The following PRKG1 variants were observed in gnomAD, a reference collection of about 807,000 sequenced individuals.
The protein encoded by PRKG1 is protein kinase cGMP-dependent 1, also known as cGMP-dependent protein kinase 1.
PRKG1 carries 35 observed loss-of-function variants against 88.1 expected under a neutral mutation model. The ratio of observed to expected loss-of-function variants is 0.40; its 90% confidence interval spans 0.30 to 0.53. The LOEUF is 0.53. Among genes scored for constraint, PRKG1 ranks in the 20% least tolerant of loss-of-function variants. PRKG1 has a pLI of 0.59. For synonymous variants in PRKG1, 303 were observed against 292.5 expected, an observed-to-expected ratio of 1.04 and a Z score of -0.37; for missense variants, 540 against 839.8, an observed-to-expected ratio of 0.64 and a Z score of 4.41.
intron 1 of PRKG1, among the ~76,000 whole-genome samples, chr10:51,047,534 G>A (rs1285986361): frequency 6.7e-6 from 1 of 149,300 alleles, no homozygotes; most frequent in Non-Finnish European, 1.5e-5. Context: ...GATTTATTGT[G>A]TATGTTTTTG....
intron 5 of PRKG1, among the ~76,000 whole-genome samples, chr10:52,022,073 G>A (rs1258871529): frequency 6.6e-6 from 1 of 152,152 alleles, no homozygotes; most frequent in Non-Finnish European, 1.5e-5. Flanking sequence ...AAGGTGATAA[G>A]ATACTCTCTC....
chr10:52,118,909 T>G (rs1366746059), intron 7 of PRKG1, among the ~76,000 whole-genome samples: 1 of 152,122 alleles, frequency 6.6e-6, no homozygotes, highest in East Asian at 1.9e-4. Context: ...TTTTGCATAT[T>G]TCTTTTCCTT....
chr10:51,017,287 A>T (rs944207161), intron 1 of PRKG1, among the ~76,000 whole-genome samples: 5 of 151,884 alleles, frequency 3.3e-5, no homozygotes, highest in Admixed American at 6.6e-5. Context: ...ATTTTGTAAA[A>T]TTTTTTTACA....
rs16924411 is a variant in PRKG1 at position 51,871,100 on chromosome 10, A to T, written c.699-36407A>T. On this transcript the variant is annotated intron_variant, in intron 4 of 17. Coordinates refer to ENST00000373980, the MANE Select transcript of PRKG1 (RefSeq NM_006258.4). ...TCTCTGTTGGAAGTACTTCTTAATTAACACCAATACGTTACAGCTTCTGAT... is the reference window on the plus strand; with the variant it reads ...TCTCTGTTGGAAGTACTTCTTAATTTACACCAATACGTTACAGCTTCTGAT... Among the ~76,000 whole-genome samples, 639 of 152,312 alleles carry T rather than the reference A, an allele frequency of 4.2e-3. 14 individuals carry two copies. The highest frequency in any genetic ancestry group is 0.033 in the East Asian group (171 of 5,182).
In PRKG1 at chr10:51,366,201, A is replaced by G. The variant is rs1294932328; in HGVS notation, c.479-101522A>G. Among the ~76,000 whole-genome samples, 11 of 151,968 alleles carry G rather than the reference A, an allele frequency of 7.2e-5. No homozygotes were observed. In the South Asian group the frequency reaches 2.3e-3, roughly 31 times the overall value. ...ATTCCTCAATCACTGCTGCTGAAGG[A>G]AGTGCAATGTCACCCTGACACCAAC... On this transcript the variant is annotated intron_variant, in intron 2 of 17. Transcript: ENST00000373980.
rs75650199 is a variant in PRKG1, at chr10:52,161,958, A to G, written c.1071A>G (p.Lys357=). The G allele has an allele frequency of 1.6e-3, 2,574 of 1,610,520 alleles. 6 individuals carry two copies. Among genetic ancestry groups the G allele is most frequent in the Non-Finnish European group, 2.0e-3 (2,307 of 1,178,508 alleles). The part of the protein sequence containing the change: ...SNKAYEDAEA[K]AKYEAEAAFF... ...AAGCATATGAAGATGCAGAAGCTAA[A>G]GCAAAGTAAGTGACTTTTTTCCTTA... Residue 357 remains lysine, a synonymous_variant, in exon 9 of 18, where the codon AAA becomes AAG. Coordinates refer to ENST00000373980, the MANE Select transcript of PRKG1 (RefSeq NM_006258.4).
intron 5 of PRKG1, among the ~76,000 whole-genome samples, chr10:51,929,005 G>T (rs1842633830): frequency 6.6e-6 from 1 of 152,038 alleles, no homozygotes; most frequent in African/African-American, 2.4e-5. Flanking sequence ...TCTAACTGTA[G>T]TCATAAATAC....
chr10:52,087,597 T>C (rs1465096383), intron 7 of PRKG1, among the ~76,000 whole-genome samples: 1 of 152,174 alleles, frequency 6.6e-6, no homozygotes, highest in Admixed American at 6.5e-5. Flanking sequence ...TTTAGAGAAA[T>C]TTACTCACAT....
Position 51,840,136 on chromosome 10 carries a change from G to T in PRKG1, c.698+35446G>T, listed in dbSNP as rs117330357. On this transcript the variant is annotated intron_variant, in intron 4 of 17. Transcript: ENST00000373980. ...CTTTTCTAAAATGATGAATTGATAT[G>T]TCTGTTGGGAAACAGCTTGTTACCC... Among the ~76,000 whole-genome samples the T allele has an allele frequency of 2.1e-3, 315 of 152,262 alleles. 1 individual carries two copies. Among genetic ancestry groups the T allele is most frequent in the Admixed American group, 6.1e-3 (94 of 15,296 alleles).
intron 13 of PRKG1, 48 bp from the exon 14 acceptor site, chr10:52,282,105 A>G: frequency 6.8e-7 from 1 of 1,470,608 alleles, no homozygotes; most frequent in Non-Finnish European, 9.1e-7. Context: ...ATTACTTTAA[A>G]ACTTAATCAT....
At chr10:51,320,647 A>T (rs542039506) in intron 2 of PRKG1, 1 of 152,456 alleles carries the variant, frequency 6.6e-6, no homozygotes, top group East Asian at 1.9e-4. Context: ...CACCTGACAG[A>T]CAGTAACAAA....
intron 1 of PRKG1, among the ~76,000 whole-genome samples, chr10:51,055,633 G>A (rs1313449059): frequency 6.6e-6 from 1 of 151,974 alleles, no homozygotes; most frequent in East Asian, 1.9e-4. Context: ...CAGCTACTCG[G>A]GAGGCTGAGG....
intron 3 of PRKG1, among the ~76,000 whole-genome samples, chr10:51,757,830 AAAGAT>A (rs1414895961): frequency 6.6e-6 from 1 of 152,252 alleles, no homozygotes; most frequent in Non-Finnish European, 1.5e-5. Context: ...GGCTAATAGA[AAAGAT>A]AAAATTAAAC....
At chr10:51,854,248 C>T (rs1193166517) in intron 4 of PRKG1, among the ~76,000 whole-genome samples, 2 of 151,940 alleles carry the variant, frequency 1.3e-5, no homozygotes, top group African/African-American at 4.8e-5. Context: ...TTTGATTTGA[C>T]CTACTGGGAT....
intron 2 of PRKG1, among the ~76,000 whole-genome samples, chr10:51,403,854 A>G (rs1837828302): frequency 6.6e-6 from 1 of 152,200 alleles, no homozygotes; most frequent in Non-Finnish European, 1.5e-5. Flanking sequence ...ACATATAACA[A>G]TTATAAAAGA....
At chr10:51,518,005 C>A (rs1346376774) in intron 3 of PRKG1, among the ~76,000 whole-genome samples, 1 of 152,040 alleles carries the variant, frequency 6.6e-6, no homozygotes, top group South Asian at 2.1e-4. Context: ...GACCTGGAAT[C>A]TTTGTTTTTT....
chr10:51,688,323 G>A (rs1332594161), intron 3 of PRKG1, among the ~76,000 whole-genome samples: 3 of 152,092 alleles, frequency 2.0e-5, no homozygotes, highest in African/African-American at 7.2e-5. Flanking sequence ...ATTAGCAAGA[G>A]ATTAGGGTAT....
chr10:51,252,516 G>A (rs1378922140), intron 2 of PRKG1, among the ~76,000 whole-genome samples: 2 of 151,510 alleles, frequency 1.3e-5, no homozygotes, highest in African/African-American at 4.8e-5. Flanking sequence ...TTATTGCACT[G>A]ATGGTAATGC....
intron 3 of PRKG1, among the ~76,000 whole-genome samples, chr10:51,541,750 T>C (rs1004864405): frequency 6.6e-6 from 1 of 152,086 alleles, no homozygotes; most frequent in Non-Finnish European, 1.5e-5. Context: ...AAAAACAAAC[T>C]ATTTTTTTGT....
Sources: allele counts gnomAD v4.1 joint callset (sites outside exome capture counted in the v4.1 genomes callset), GRCh38; gene constraint gnomAD v4.1.1; transcripts MANE v1.5; gene names NCBI Gene and HGNC (gene_info 2026-07-23, HGNC 2026-07-21).